SBSPON: variants seen among roughly 807,000 people sequenced by gnomAD.
The protein encoded by SBSPON is somatomedin B and thrombospondin type 1 domain containing.
SBSPON carries 30 observed loss-of-function variants against 35.8 expected under a neutral mutation model. The ratio of observed to expected loss-of-function variants is 0.84; its 90% CI spans 0.63 to 1.14. The LOEUF (loss-of-function observed/expected upper bound fraction) is 1.14, where lower values mean the gene tolerates loss of function less well. SBSPON is among the 50% of genes most tolerant of loss of function. The pLI, the probability that SBSPON is intolerant of heterozygous loss-of-function variation, is 0.00. For synonymous variants in SBSPON, 136 were observed against 135.9 expected (o/e 1.00, Z 0.00); for missense variants, 364 against 357.7 (o/e 1.02, Z -0.14).
At position 73,081,130 on chromosome 8, in the gene SBSPON, A is replaced by G; in HGVS notation, c.298T>C (p.Ser100Pro). The change falls in exon 2 of 5, where the codon TCG (serine) becomes CCG (proline). Residue 100 changes from serine to proline, a missense_variant. Physicochemically the swap from Ser to Pro is moderately conservative, Grantham distance 74 (BLOSUM62 -1). Transcript: ENST00000297354. ...CCGTTCTGAGGCTCCTGCTGCACCG[A>G]GCGCCTCCGCACACGGGTTGTAGGC... ...CKPTTRVRRR[S>P]VQQEPQNGGA... The G allele has an allele frequency of 6.2e-7, 1 of 1,613,354 alleles. No individual in the cohort carries two copies. Among genetic ancestry groups the G allele is most frequent in the South Asian group, 1.1e-5 (1 of 90,870 alleles).
At chr8:73,082,309 G>T (rs1017234057) in intron 1 of SBSPON, among the ~76,000 whole-genome samples, 2 of 152,164 alleles carry the variant, frequency 1.3e-5, no homozygotes, top group Admixed American at 1.3e-4. Flanking sequence ...CCATGACCTA[G>T]ATGCCAAACA....
At chr8:73,074,948 C>T (rs754900423) in intron 2 of SBSPON, among the ~76,000 whole-genome samples, 2 of 152,148 alleles carry the variant, frequency 1.3e-5, no homozygotes, top group African/African-American at 4.8e-5. Context: ...TGAGGCTCAC[C>T]GAGGTTAAAT....
At chr8:73,080,112 G>A (rs1002804879) in intron 2 of SBSPON, among the ~76,000 whole-genome samples, 5 of 152,054 alleles carry the variant, frequency 3.3e-5, no homozygotes, top group African/African-American at 4.8e-5. Flanking sequence ...TTAATGAGCC[G>A]ATTCCTGGCC....
At chr8:73,079,652 C>G (rs959231803) in intron 2 of SBSPON, among the ~76,000 whole-genome samples, 10 of 152,140 alleles carry the variant, frequency 6.6e-5, no homozygotes, top group African/African-American at 2.4e-4. Flanking sequence ...CCTCCTCCTT[C>G]TCCCCCAAGA....
In SBSPON at chr8:73,069,785, C is replaced by A. The variant is rs200904194; in HGVS notation, c.677+20G>T. ...AGAATGAGTGACAAGAAAAGTACTTCAGTTAATTTCCATTCTTACCCATCG... is the reference window on the plus strand; with the variant it reads ...AGAATGAGTGACAAGAAAAGTACTTAAGTTAATTTCCATTCTTACCCATCG... On this transcript the variant is annotated intron_variant, in intron 4 of 4. Transcript: ENST00000297354. 24 of 1,601,150 alleles carry A rather than the reference C, an allele frequency of 1.5e-5. No homozygotes were observed. The African/African-American group carries it at 2.7e-4, about 18-fold the overall frequency.
chr8:73,076,741 G>A (rs1162526896), intron 2 of SBSPON, among the ~76,000 whole-genome samples: 3 of 152,038 alleles, frequency 2.0e-5, no homozygotes, highest in African/African-American at 7.2e-5. Context: ...GCGGCAGTGA[G>A]GAAAGGATGT....
chr8:73,073,847 A>G (rs1204770726), intron 2 of SBSPON, among the ~76,000 whole-genome samples: 2 of 151,860 alleles, frequency 1.3e-5, no homozygotes, highest in African/African-American at 4.8e-5. Flanking sequence ...AGACAAGAGC[A>G]GCTGCCTAAT....
rs1810970398 is a variant in SBSPON at position 73,093,118 on chromosome 8, C to T, written c.-51G>A. ...ACGCGACAGACCCCCGGGGCAAGCGCTCTGATCCTCGGCTGGCCGCGGCCC... is the reference window on the plus strand; with the variant it reads ...ACGCGACAGACCCCCGGGGCAAGCGTTCTGATCCTCGGCTGGCCGCGGCCC... On this transcript the variant is annotated 5_prime_UTR_variant, in exon 1 of 5. Transcript: ENST00000297354. 9.4e-7 allele frequency: 1 copy of T among 1,063,726 alleles called. No homozygotes were observed. 65.9% of individuals were successfully genotyped at this position (1,063,726 alleles called of 1,614,324 possible).
At chr8:73,068,188 TAC>T (rs1272448776) in intron 4 of SBSPON, among the ~76,000 whole-genome samples, 3 of 152,206 alleles carry the variant, frequency 2.0e-5, no homozygotes, top group African/African-American at 7.2e-5. Context: ...AGGGTTTAAA[TAC>T]TATATGGGTA....
At chr8:73,089,088 T>A (rs1277252476) in intron 1 of SBSPON, among the ~76,000 whole-genome samples, 2 of 152,250 alleles carry the variant, frequency 1.3e-5, no homozygotes, top group African/African-American at 4.8e-5. Context: ...TTGCAAAATA[T>A]ATTAATATTT....
chr8:73,087,350 CGGGTTGA>C (rs1810851486), intron 1 of SBSPON, among the ~76,000 whole-genome samples: 1 of 152,114 alleles, frequency 6.6e-6, no homozygotes, highest in South Asian at 2.1e-4. Flanking sequence ...CTAACATCAG[CGGGTTGA>C]GGGATCCAAG....
chr8:73,089,800 TGCAGTG>T (rs1810898182), intron 1 of SBSPON, among the ~76,000 whole-genome samples: 3 of 152,192 alleles, frequency 2.0e-5, no homozygotes, highest in Non-Finnish European at 4.4e-5. Context: ...ACATGCCAGG[TGCAGTG>T]CTCTGGGCTT....
chr8:73,069,584 G>A (rs1169957951), intron 4 of SBSPON, among the ~76,000 whole-genome samples: 4 of 152,040 alleles, frequency 2.6e-5, no homozygotes, highest in African/African-American at 9.7e-5. Flanking sequence ...ATGTCCAAAT[G>A]GACCCATATT....
At chr8:73,083,392 G>A (rs1010179722) in intron 1 of SBSPON, among the ~76,000 whole-genome samples, 6 of 152,138 alleles carry the variant, frequency 3.9e-5, no homozygotes, top group Middle Eastern at 3.2e-3. Context: ...AATATTTTGC[G>A]TCGGAAGATT....
chr8:73,082,287 C>T (rs535641914), intron 1 of SBSPON, among the ~76,000 whole-genome samples: 3 of 152,306 alleles, frequency 2.0e-5, no homozygotes, highest in South Asian at 4.1e-4. Context: ...AACCAGAAGA[C>T]AGAAGACATG....
chr8:73,069,814 T>A lies in SBSPON; in HGVS notation c.668A>T (p.Asp223Val). 1 of 1,613,718 alleles carries A rather than the reference T, an allele frequency of 6.2e-7. No homozygotes were observed. Among genetic ancestry groups the A allele is most frequent in the Non-Finnish European group, 8.5e-7 (1 of 1,179,658 alleles). Residue 223 changes from aspartate to valine, a missense_variant, in exon 4 of 5, where the codon GAC becomes GTC. Transcript: ENST00000297354. Reference sequence around the variant, plus strand: ...TAATTTCCATTCTTACCCATCGGAGTCCAGGCCATCTCCAGAACAACGAAG... The same window carrying A: ...TAATTTCCATTCTTACCCATCGGAGACCAGGCCATCTCCAGAACAACGAAG... ...VSLRCSGDGL[D>V]SDGNQTLHWQ...
In SBSPON at chr8:73,071,847, C is replaced by T. The variant is rs2129992358; in HGVS notation, c.433G>A (p.Ala145Thr). ...TYVPAFITTSAFNKERTRQAT... is the reference protein window; with the variant it reads ...TYVPAFITTSTFNKERTRQAT... ...TGTCGTGTTCTCTCCTTGTTGAATG[C>T]AGAGGTAGTTATAAAGGCAGGAACT... Residue 145 changes from alanine (A) to threonine (T), a missense_variant, in exon 3 of 5, where the codon GCA (alanine) becomes ACA (threonine). By Grantham distance (58) the Ala-to-Thr change is moderately conservative. Transcript: ENST00000297354. 3 of 1,608,932 alleles carry T rather than the reference C, an allele frequency of 1.9e-6. No homozygotes were observed. The highest frequency in any genetic ancestry group is 2.6e-6 in the Non-Finnish European group (3 of 1,175,538).
chr8:73,069,969 C>T lies in SBSPON; in HGVS notation c.513G>A (p.Glu171=), dbSNP rs779413858. Residue 171 remains glutamate, a synonymous_variant, in exon 4 of 5, where the codon GAG becomes GAA. Transcript: ENST00000297354. ...GAGGAGTCAAGGACTCTGTCTTAAA[C>T]TCCATACAGTATCTACAGCAAAAGA... ...THTEDAGYCM[E]FKTESLTPHC... is the part of the protein sequence containing the mutation. The T allele has an allele frequency of 3.8e-6, 6 of 1,587,712 alleles. No homozygotes were observed. The highest frequency in any genetic ancestry group is 5.1e-6 in the Non-Finnish European group (6 of 1,165,584).
At chr8:73,090,808 CACTT>C (rs1461189472) in intron 1 of SBSPON, among the ~76,000 whole-genome samples, 3 of 152,212 alleles carry the variant, frequency 2.0e-5, no homozygotes, top group Non-Finnish European at 2.9e-5. Flanking sequence ...CTGGGGCACA[CACTT>C]ACAGTGATTT....
Sources: gnomAD v4.1 joint callset for allele counts (sites outside exome capture counted in the v4.1 genomes callset) on GRCh38, gnomAD v4.1.1 for gene constraint, MANE v1.5 for transcripts, NCBI Gene and HGNC (gene_info 2026-07-23, HGNC 2026-07-21) for gene names.